SLC25A21: variants seen among roughly 807,000 people sequenced by gnomAD.
SLC25A21 encodes solute carrier family 25 member 21, also known as mitochondrial 2-oxodicarboxylate carrier.
SLC25A21 carries 47 observed loss-of-function variants against 43.8 expected under a neutral mutation model. The observed-to-expected ratio is 1.07, with a 90% CI of 0.85 to 1.37. The LOEUF (loss-of-function observed/expected upper bound fraction) is 1.37. Among genes scored for constraint, SLC25A21 ranks in the 40% most tolerant of loss-of-function variants. The pLI is 0.00. For missense variants in SLC25A21, 352 were observed against 350.2 expected, an observed-to-expected ratio of 1.00 and a Z score of -0.04; for synonymous variants, 131 against 121.3, an observed-to-expected ratio of 1.08 and a Z score of -0.52.
intron 3 of SLC25A21, among the ~76,000 whole-genome samples, chr14:36,796,730 T>C (rs1275414869): frequency 6.6e-6 from 1 of 152,160 alleles, no homozygotes; most frequent in Non-Finnish European, 1.5e-5. Context: ...CAGCACACTG[T>C]CACAAAAACC....
chr14:37,086,848 T>C (rs1962495873), intron 1 of SLC25A21, among the ~76,000 whole-genome samples: 2 of 152,204 alleles, frequency 1.3e-5, no homozygotes, highest in African/African-American at 4.8e-5. Flanking sequence ...TTAGTTATCA[T>C]AATACATCAA....
rs565254833 is a variant in SLC25A21 at position 37,096,181 on chromosome 14, A to G, written c.70+76100T>C. Among the ~76,000 whole-genome samples the G allele has an allele frequency of 4.6e-5, 7 of 152,306 alleles. No homozygotes were observed. The South Asian group carries it at 1.2e-3, about 27-fold the overall frequency. On this transcript the variant is annotated intron_variant, in intron 1 of 9. Coordinates refer to ENST00000331299, the MANE Select transcript of SLC25A21 (RefSeq NM_030631.4). Reference sequence around the variant, plus strand: ...GGTACAGAGAGGAAAAAAATACTATAAAGTGCATTATTGGATCAAACTTAT... The same window carrying G: ...GGTACAGAGAGGAAAAAAATACTATGAAGTGCATTATTGGATCAAACTTAT...
At chr14:36,855,147 G>A (rs1012949680) in intron 2 of SLC25A21, among the ~76,000 whole-genome samples, 1 of 152,074 alleles carries the variant, frequency 6.6e-6, no homozygotes, top group Non-Finnish European at 1.5e-5. Context: ...GGCATGCCAT[G>A]GCTTGGTAGT....
intron 1 of SLC25A21, among the ~76,000 whole-genome samples, chr14:37,098,746 TAGACAGACAGACAGAC>T (rs1201386691): frequency 0.041 from 1,275 of 31,200 alleles, 17 homozygotes; most frequent in Non-Finnish European, 0.095. Context: ...GATAGATAGA[TAGACAGACAGACAGAC>T]AGACAGACAG....
chr14:36,954,478 C>CACAT (rs1468013265), intron 1 of SLC25A21, among the ~76,000 whole-genome samples: 1 of 141,974 alleles, frequency 7.0e-6, no homozygotes, highest in East Asian at 2.0e-4. Context: ...ATAAGGAAAA[C>CACAT]ACATACATAC....
intron 1 of SLC25A21, among the ~76,000 whole-genome samples, chr14:36,896,630 G>A (rs1203388616): frequency 6.6e-6 from 1 of 152,170 alleles, no homozygotes; most frequent in Non-Finnish European, 1.5e-5. Flanking sequence ...TTTCTTCCTA[G>A]CCTTGATGGT....
At chr14:36,868,770 A>T (rs1325688501) in intron 2 of SLC25A21, among the ~76,000 whole-genome samples, 2 of 152,188 alleles carry the variant, frequency 1.3e-5, no homozygotes, top group African/African-American at 4.8e-5. Flanking sequence ...CTGCTCTGTA[A>T]TGTGAAGGGG....
At chr14:37,051,863 T>C (rs1404758244) in intron 1 of SLC25A21, among the ~76,000 whole-genome samples, 2 of 152,138 alleles carry the variant, frequency 1.3e-5, no homozygotes, top group Admixed American at 6.5e-5. Flanking sequence ...ACCAGGGCCT[T>C]CCTATTGGTT....
At chr14:37,005,502 TAAA>T (rs1960582811) in intron 1 of SLC25A21, among the ~76,000 whole-genome samples, 1 of 152,138 alleles carries the variant, frequency 6.6e-6, no homozygotes, top group Admixed American at 6.5e-5. Context: ...TTTTAGAAAA[TAAA>T]AAGGGTTTGT....
chr14:36,753,659 G>T (rs955968699), intron 3 of SLC25A21, among the ~76,000 whole-genome samples: 4 of 152,160 alleles, frequency 2.6e-5, no homozygotes, highest in Admixed American at 6.5e-5. Context: ...ATACTGTAAA[G>T]ACATTGATGA....
chr14:37,059,022 C>A (rs1296318455), intron 1 of SLC25A21, among the ~76,000 whole-genome samples: 5 of 152,222 alleles, frequency 3.3e-5, no homozygotes, highest in African/African-American at 7.2e-5. Flanking sequence ...ACTATTCTAA[C>A]TTAAATGCAC....
intron 3 of SLC25A21, among the ~76,000 whole-genome samples, chr14:36,788,341 T>C (rs1887324017): frequency 6.6e-6 from 1 of 151,790 alleles, no homozygotes; most frequent in South Asian, 2.1e-4. Flanking sequence ...CAGTCTGTCA[T>C]CAGGGCTCTG....
chr14:36,813,183 T>G (rs891717843), intron 3 of SLC25A21, among the ~76,000 whole-genome samples: 7 of 152,126 alleles, frequency 4.6e-5, no homozygotes, highest in Non-Finnish European at 8.8e-5. Flanking sequence ...TCATCTACAT[T>G]AGGTATTTCT....
intron 1 of SLC25A21, among the ~76,000 whole-genome samples, chr14:37,003,454 C>A (rs1279953551): frequency 6.6e-6 from 1 of 152,156 alleles, no homozygotes; most frequent in Non-Finnish European, 1.5e-5. Context: ...GAAAGCAAAA[C>A]TGCGGATAAG....
chr14:37,045,470 G>T (rs1961568256), intron 1 of SLC25A21, among the ~76,000 whole-genome samples: 1 of 152,182 alleles, frequency 6.6e-6, no homozygotes, highest in African/African-American at 2.4e-5. Context: ...TTTCAAAATT[G>T]GAAGTGAAAA....
intron 1 of SLC25A21, among the ~76,000 whole-genome samples, chr14:37,049,235 C>G (rs1961653893): frequency 6.6e-6 from 1 of 152,034 alleles, no homozygotes. Context: ...GTAAGTTTCA[C>G]CAAAAACATA....
At chr14:36,936,551 C>A (rs181941669) in intron 1 of SLC25A21, among the ~76,000 whole-genome samples, 1 of 152,128 alleles carries the variant, frequency 6.6e-6, no homozygotes, top group Non-Finnish European at 1.5e-5. Flanking sequence ...AAACCACAGA[C>A]CAGAACCTCT....
chr14:36,828,669 C>T (rs1421772505), intron 2 of SLC25A21: 5 of 152,220 alleles, frequency 3.3e-5, no homozygotes, highest in African/African-American at 4.8e-5. Flanking sequence ...TGTGCCTTAA[C>T]TGATACAAGG....
intron 1 of SLC25A21, among the ~76,000 whole-genome samples, chr14:36,957,842 A>G (rs952922673): frequency 6.6e-6 from 1 of 152,244 alleles, no homozygotes; most frequent in African/African-American, 2.4e-5. Context: ...AGTTTTATTT[A>G]TACGCAACTT....
Sources: allele counts gnomAD v4.1 joint callset (sites outside exome capture counted in the v4.1 genomes callset), GRCh38; gene constraint gnomAD v4.1.1; transcripts MANE v1.5; gene names NCBI Gene and HGNC (gene_info 2026-07-23, HGNC 2026-07-21).